Variants in METTL15 observed in about 807,000 individuals in gnomAD.
METTL15 encodes the protein 12S rRNA N(4)-cytidine methyltransferase METTL15.
A neutral mutation model predicts 38.3 loss-of-function variants in METTL15; 34 were observed. That is an observed-to-expected ratio of 0.89 (90% CI 0.68 to 1.18). The LOEUF is 1.18. METTL15 is among the 50% of genes most tolerant of loss of function. The probability of loss-of-function intolerance (pLI) is 0.00; values close to 1 mark genes in which losing one functional copy is unlikely to be tolerated. For missense variants in METTL15, 438 were observed against 498.4 expected (o/e 0.88, Z 1.15); for synonymous variants, 162 against 170.9 (o/e 0.95, Z 0.41).
intron 6 of METTL15, among the ~76,000 whole-genome samples, chr11:28,466,282 T>A (rs1851256323): frequency 1.3e-5 from 2 of 152,216 alleles, no homozygotes; most frequent in Admixed American, 1.3e-4. Context: ...AAGACTGTTT[T>A]TAAAAGAAGG....
intron 5 of METTL15, among the ~76,000 whole-genome samples, chr11:28,390,693 G>A (rs1052133821): frequency 6.6e-6 from 1 of 152,184 alleles, no homozygotes; most frequent in Non-Finnish European, 1.5e-5. Context: ...TGTGGCTTAG[G>A]ATTGACTTGG....
At chr11:28,411,032 T>C (rs1002656183) in intron 5 of METTL15, among the ~76,000 whole-genome samples, 9 of 152,098 alleles carry the variant, frequency 5.9e-5, no homozygotes, top group African/African-American at 2.2e-4. Context: ...TAGCCAGGAA[T>C]AAATTTAACC....
intron 5 of METTL15, among the ~76,000 whole-genome samples, chr11:28,294,657 G>T (rs1856662658): frequency 6.6e-6 from 1 of 152,070 alleles, no homozygotes; most frequent in African/African-American, 2.4e-5. Context: ...GAACTCTGGA[G>T]GACTGACAAG....
chr11:28,452,836 G>A (rs1851134521), intron 6 of METTL15, among the ~76,000 whole-genome samples: 2 of 152,176 alleles, frequency 1.3e-5, no homozygotes, highest in South Asian at 4.1e-4. Flanking sequence ...TATCCACAAA[G>A]TTGTTTGTCT....
At chr11:28,312,022 CT>C (rs79541610) in intron 6 of METTL15, among the ~76,000 whole-genome samples, 14 of 151,942 alleles carry the variant, frequency 9.2e-5, no homozygotes, top group African/African-American at 1.2e-4. Flanking sequence ...GAAAGCATTC[CT>C]TTTTTTTGTT....
chr11:28,471,744 T>C (rs1458332586), intron 6 of METTL15, among the ~76,000 whole-genome samples: 1 of 152,060 alleles, frequency 6.6e-6, no homozygotes, highest in African/African-American at 2.4e-5. Context: ...GATTTTAACA[T>C]TGTTGTTTTT....
chr11:28,520,602 T>C (rs1311790865), intron 6 of METTL15, among the ~76,000 whole-genome samples: 3 of 152,194 alleles, frequency 2.0e-5, no homozygotes, highest in Non-Finnish European at 4.4e-5. Flanking sequence ...CATCTATAAA[T>C]ATGAGTCTTT....
chr11:28,238,831 A>G (rs914915322), intron 4 of METTL15, among the ~76,000 whole-genome samples: 4 of 152,176 alleles, frequency 2.6e-5, no homozygotes, highest in African/African-American at 9.7e-5. Context: ...CCTTTTGTCA[A>G]AGACTCCAGT....
chr11:28,354,831 T>C (rs1046950945), intron 4 of METTL15, among the ~76,000 whole-genome samples: 1 of 152,216 alleles, frequency 6.6e-6, no homozygotes, highest in African/African-American at 2.4e-5. Context: ...TTTTGAGTTA[T>C]GTCAAAGTAT....
At chr11:28,341,044 A>G (rs1018205069) in intron 3 of METTL15, among the ~76,000 whole-genome samples, 5 of 152,192 alleles carry the variant, frequency 3.3e-5, no homozygotes, top group African/African-American at 1.2e-4. Context: ...GCTAGAAACC[A>G]TCATTCTCAG....
At chr11:28,235,127 G>A (rs551100068) in intron 4 of METTL15, among the ~76,000 whole-genome samples, 7 of 152,064 alleles carry the variant, frequency 4.6e-5, no homozygotes, top group South Asian at 2.1e-4. Flanking sequence ...GATATGAGGC[G>A]TTATTTCTGA....
chr11:28,510,049 G>T lies in METTL15; in HGVS notation c.*425-16429G>T, dbSNP rs560259546. ...GGCAACATGTTTCATTAGCTCCGAG[G>T]CCCTTGGGATGTAACACTGAAGTGC... On this transcript the variant is annotated intron_variant and NMD_transcript_variant, in intron 6 of 7. Coordinates refer to the METTL15 transcript ENST00000532947. Among the ~76,000 whole-genome samples, 12 of 152,186 alleles carry T rather than the reference G, an allele frequency of 7.9e-5. No individual in the cohort carries two copies. The South Asian group carries it at 2.5e-3, about 32-fold the overall frequency.
chr11:28,129,941 A>G (rs888078827), intron 3 of METTL15, among the ~76,000 whole-genome samples: 43 of 152,144 alleles, frequency 2.8e-4, no homozygotes, highest in African/African-American at 9.9e-4. Context: ...CAATTTGATC[A>G]CCTAAATCTA....
chr11:28,494,495 A>C (rs1372305931), intron 6 of METTL15, among the ~76,000 whole-genome samples: 1 of 152,160 alleles, frequency 6.6e-6, no homozygotes, highest in Non-Finnish European at 1.5e-5. Flanking sequence ...CTTACTGTGT[A>C]TCTTGAGCAA....
At chr11:28,191,954 CTGTT>C (rs902761062) in intron 3 of METTL15, among the ~76,000 whole-genome samples, 5 of 151,700 alleles carry the variant, frequency 3.3e-5, no homozygotes, top group Non-Finnish European at 5.9e-5. Flanking sequence ...TTCCTGACCT[CTGTT>C]TGGTATACTC....
chr11:28,153,492 C>A (rs186035887), intron 3 of METTL15, among the ~76,000 whole-genome samples: 7 of 152,114 alleles, frequency 4.6e-5, no homozygotes, highest in African/African-American at 1.7e-4. Context: ...ATATGGAGGG[C>A]TGACTATATT....
chr11:28,264,918 T>C (rs1855351483), intron 4 of METTL15, among the ~76,000 whole-genome samples: 1 of 152,134 alleles, frequency 6.6e-6, no homozygotes, highest in South Asian at 2.1e-4. Context: ...ATAAGTGATA[T>C]GTATGGGAGG....
At chr11:28,223,390 ATTTGTG>A (rs1293420309) in intron 4 of METTL15, among the ~76,000 whole-genome samples, 4 of 152,100 alleles carry the variant, frequency 2.6e-5, no homozygotes, top group Non-Finnish European at 5.9e-5. Flanking sequence ...AAAAACACAA[ATTTGTG>A]TTTGGGAGTA....
At chr11:28,119,512 G>A (rs757800010) in intron 3 of METTL15, among the ~76,000 whole-genome samples, 1 of 152,166 alleles carries the variant, frequency 6.6e-6, no homozygotes, top group Non-Finnish European at 1.5e-5. Flanking sequence ...AGATACAAAG[G>A]CTGAGAAAAT....
Sources: gnomAD v4.1 joint callset for allele counts (sites outside exome capture counted in the v4.1 genomes callset) on GRCh38, gnomAD v4.1.1 for gene constraint, MANE v1.5 for transcripts, NCBI Gene and HGNC (gene_info 2026-07-23, HGNC 2026-07-21) for gene names.